The following ENPEP variants were observed in gnomAD, a reference collection of about 807,000 sequenced individuals.
ENPEP encodes glutamyl aminopeptidase, also known as AP-A.
Under a neutral mutation model 114.5 loss-of-function variants are expected in ENPEP, and 103 were observed. That is an observed-to-expected ratio of 0.90 (90% CI 0.77 to 1.06). The LOEUF (loss-of-function observed/expected upper bound fraction) is 1.06, where lower values mean the gene tolerates loss of function less well. ENPEP is among the 50% of genes least tolerant of loss of function. ENPEP has a pLI of 0.00. For synonymous variants in ENPEP, 420 were observed against 422.0 expected, an observed-to-expected ratio of 1.00 and a Z score of 0.06; for missense variants, 1,196 against 1,161.3, an observed-to-expected ratio of 1.03 and a Z score of -0.43.
rs1727682805 is a variant in ENPEP at position 110,561,597 on chromosome 4, G to A, written c.*39G>A. 3 of 1,589,890 alleles carry A rather than the reference G, an allele frequency of 1.9e-6. No homozygotes were observed. Among genetic ancestry groups the A allele is most frequent in the African/African-American group, 2.7e-5 (2 of 73,748 alleles). ...TAGAGTTTAATTTTGTGAATCTATT[G>A]TTTCTCCTCTGAAGCATTTGGTGGC... On this transcript the variant is annotated 3_prime_UTR_variant, in exon 20 of 20. Coordinates refer to ENST00000265162, the MANE Select transcript of ENPEP (RefSeq NM_001977.4).
chr4:110,515,269 C>T (rs1014688263), intron 7 of ENPEP, 108 bp from the exon 8 acceptor site: 3 of 898,692 alleles, frequency 3.3e-6, no homozygotes, highest in South Asian at 3.1e-5. Context: ...TCTTGAGGAA[C>T]TAATCTCACA....
intron 1 of ENPEP, among the ~76,000 whole-genome samples, chr4:110,478,375 G>A (rs950664269): frequency 1.3e-5 from 2 of 151,950 alleles, no homozygotes; most frequent in African/African-American, 4.8e-5. Flanking sequence ...TATTTTTTCT[G>A]TTCATAAGAA....
At position 110,491,027 on chromosome 4, in the gene ENPEP, C is replaced by T; in HGVS notation, c.787-6C>T. On this transcript the variant is annotated splice_region_variant and splice_polypyrimidine_tract_variant and intron_variant, in intron 2 of 19. Transcript: ENST00000265162. ...TCGATAAAAGTTTATCTTTTCTTTT[C>T]AATAGAAAGAAGAGTCAGTGGATGA... The T allele has an allele frequency of 6.3e-7, 1 of 1,599,028 alleles. No individual in the cohort carries two copies. The highest frequency in any genetic ancestry group is 8.5e-7 in the Non-Finnish European group (1 of 1,176,220).
chr4:110,509,288 G>A (rs1725486949), intron 4 of ENPEP, among the ~76,000 whole-genome samples: 1 of 152,180 alleles, frequency 6.6e-6, no homozygotes, highest in African/African-American at 2.4e-5. Context: ...TGGAAGCTCA[G>A]AACTTCTAAA....
At chr4:110,534,764 C>T (rs1030016928) in intron 11 of ENPEP, among the ~76,000 whole-genome samples, 7 of 151,926 alleles carry the variant, frequency 4.6e-5, no homozygotes, top group African/African-American at 7.2e-5. Flanking sequence ...CTGCCTCAGC[C>T]TCCCAAAGTG....
chr4:110,494,595 T>C (rs561503034), intron 3 of ENPEP, among the ~76,000 whole-genome samples: 1 of 152,296 alleles, frequency 6.6e-6, no homozygotes, highest in Admixed American at 6.5e-5. Flanking sequence ...AAACACAGAA[T>C]CAATGCCTGC....
At chr4:110,485,810 C>G (rs1467163069) in intron 1 of ENPEP, among the ~76,000 whole-genome samples, 1 of 151,874 alleles carries the variant, frequency 6.6e-6, no homozygotes, top group Non-Finnish European at 1.5e-5. Context: ...TTTAAAAATG[C>G]AAGTTAAGTT....
At chr4:110,538,330 TG>T (rs1726720565) in intron 11 of ENPEP, among the ~76,000 whole-genome samples, 1 of 152,236 alleles carries the variant, frequency 6.6e-6, no homozygotes. Context: ...TATCAACACT[TG>T]CTGCTTCACC....
intron 8 of ENPEP, chr4:110,515,847 G>T (rs572574391): frequency 2.2e-6 from 1 of 455,918 alleles, no homozygotes. Flanking sequence ...TCTCTTCCGG[G>T]CTTGCAGATG....
At chr4:110,534,701 G>T (rs1424679707) in intron 11 of ENPEP, among the ~76,000 whole-genome samples, 1 of 151,350 alleles carries the variant, frequency 6.6e-6, no homozygotes, top group Non-Finnish European at 1.5e-5. Flanking sequence ...TAAGGATGGG[G>T]TTTCACAATG....
chr4:110,538,241 C>T (rs969454608), intron 11 of ENPEP, among the ~76,000 whole-genome samples: 9 of 152,218 alleles, frequency 5.9e-5, no homozygotes, highest in Admixed American at 2.6e-4. Context: ...GTTTCATCTA[C>T]ACTGAAAATG....
In ENPEP at chr4:110,478,548, C is replaced by T. The variant is rs185468007; in HGVS notation, c.644+1490C>T. On this transcript the variant is annotated intron_variant, in intron 1 of 19. Coordinates refer to ENST00000265162, the MANE Select transcript of ENPEP (RefSeq NM_001977.4). ...TGCATTATATCTGTCTATCTATATGCCTTTTTTACTTAATGTCTTGAGAAG... is the reference window on the plus strand; with the variant it reads ...TGCATTATATCTGTCTATCTATATGTCTTTTTTACTTAATGTCTTGAGAAG... Among the ~76,000 whole-genome samples the T allele has an allele frequency of 1.2e-4, 19 of 152,238 alleles. No homozygotes were observed. The East Asian group carries it at 3.7e-3, about 29-fold the overall frequency.
chr4:110,482,662 C>T (rs532001085), intron 1 of ENPEP, among the ~76,000 whole-genome samples: 24 of 152,080 alleles, frequency 1.6e-4, no homozygotes, highest in Admixed American at 1.6e-3. Context: ...TCATTATATT[C>T]TTAGATTAGT....
chr4:110,491,135 G>A lies in ENPEP; in HGVS notation c.889G>A (p.Val297Ile). Residue 297 changes from valine (V) to isoleucine (I), a missense_variant, in exon 3 of 20, where the codon GTA (valine) becomes ATA (isoleucine). Transcript: ENST00000265162. ...CTTTGCTGTACATCAATTTGACTCT[G>A]TAAAGAGAATATCAAATAGTGGAAA... is the stretch of plus-strand genomic sequence containing the variant. ...VCFAVHQFDS[V>I]KRISNSGKPL... The A allele has an allele frequency of 1.9e-6, 3 of 1,609,024 alleles. No homozygotes were observed. The highest frequency in any genetic ancestry group is 2.5e-6 in the Non-Finnish European group (3 of 1,178,742).
chr4:110,506,870 T>C, intron 4 of ENPEP, 113 bp downstream of exon 4: 2 of 991,238 alleles, frequency 2.0e-6, no homozygotes, highest in South Asian at 3.8e-5. Context: ...TTAAGTCCTT[T>C]TATTCTATGC....
intron 19 of ENPEP, among the ~76,000 whole-genome samples, chr4:110,561,011 A>C (rs1727658577): frequency 6.6e-6 from 1 of 152,214 alleles, no homozygotes; most frequent in African/African-American, 2.4e-5. Flanking sequence ...CTGAAAGTAC[A>C]TTAAAATACT....
intron 3 of ENPEP, chr4:110,506,195 A>G (rs1725362885): frequency 6.7e-6 from 1 of 150,216 alleles, no homozygotes; most frequent in African/African-American, 2.5e-5. Context: ...CAAATGACAC[A>G]GAGAGAAAGA....
intron 11 of ENPEP, among the ~76,000 whole-genome samples, chr4:110,539,857 A>C (rs2110383882): frequency 6.6e-6 from 1 of 152,226 alleles, no homozygotes; most frequent in East Asian, 1.9e-4. Context: ...TAAGCTGTCT[A>C]CTTGTCTAAA....
At chr4:110,524,518 C>T (rs2110367265) in intron 10 of ENPEP, among the ~76,000 whole-genome samples, 1 of 152,196 alleles carries the variant, frequency 6.6e-6, no homozygotes, top group East Asian at 1.9e-4. Flanking sequence ...ATACAAACAC[C>T]ACCAAAGAAG....
Sources: allele counts gnomAD v4.1 joint callset (sites outside exome capture counted in the v4.1 genomes callset), GRCh38; gene constraint gnomAD v4.1.1; transcripts MANE v1.5; gene names NCBI Gene and HGNC (gene_info 2026-07-23, HGNC 2026-07-21).